The following TRAPPC3L variants were observed in gnomAD, a reference collection of about 807,000 sequenced individuals.
TRAPPC3L encodes trafficking protein particle complex subunit 3L.
TRAPPC3L carries 23 observed loss-of-function variants against 23.7 expected under a neutral mutation model. The ratio of observed to expected loss-of-function variants is 0.97; its 90% CI spans 0.70 to 1.37. The LOEUF is 1.37. TRAPPC3L is among the 40% of genes most tolerant of loss of function. The pLI, the probability that TRAPPC3L is intolerant of heterozygous loss-of-function variation, is 0.00. For synonymous variants in TRAPPC3L, 81 were observed against 77.9 expected, an observed-to-expected ratio of 1.04 and a Z score of -0.21; for missense variants, 212 against 216.8, an observed-to-expected ratio of 0.98 and a Z score of 0.14.
intron 3 of TRAPPC3L, among the ~76,000 whole-genome samples, chr6:116,536,544 C>T (rs1212844694): frequency 2.0e-5 from 3 of 152,180 alleles, no homozygotes; most frequent in African/African-American, 7.2e-5. Flanking sequence ...TTTACTAACT[C>T]AGAGGGAGGG....
At chr6:116,514,000 A>C (rs1772174773) in intron 3 of TRAPPC3L, among the ~76,000 whole-genome samples, 1 of 152,174 alleles carries the variant, frequency 6.6e-6, no homozygotes, top group East Asian at 1.9e-4. Flanking sequence ...AGATTTAGAG[A>C]TGATAGATAC....
Position 116,521,530 on chromosome 6 carries a change from GAC to G in TRAPPC3L, c.240+18831_240+18832del, listed in dbSNP as rs1491553135. On this transcript the variant is annotated intron_variant, in intron 3 of 4. Transcript: ENST00000368602. Reference sequence around the variant, plus strand: ...GTGGAGAGAGAGGGAGAGAGAGAGAGACAGAGAGCAAATTTGCCCATCCTCTC... The same window carrying G: ...GTGGAGAGAGAGGGAGAGAGAGAGAGAGAGAGCAAATTTGCCCATCCTCTC... The G allele has an allele frequency of 1.8e-3, 270 of 151,348 alleles. 1 individual carries two copies. Among genetic ancestry groups the G allele is most frequent in the South Asian group, 9.8e-3 (47 of 4,776 alleles). The allele number at this position is 151,348 out of a possible 1,614,324, so 9.4% of individuals were successfully genotyped here.
chr6:116,527,360 A>G (rs907647363), intron 3 of TRAPPC3L, among the ~76,000 whole-genome samples: 5 of 152,056 alleles, frequency 3.3e-5, no homozygotes, highest in Non-Finnish European at 7.4e-5. Context: ...TACTAAAAAT[A>G]CAAAAAATTA....
At chr6:116,513,878 G>A (rs1772172524) in intron 3 of TRAPPC3L, among the ~76,000 whole-genome samples, 1 of 152,180 alleles carries the variant, frequency 6.6e-6, no homozygotes, top group Non-Finnish European at 1.5e-5. Context: ...GGGTTTGTAT[G>A]CTGATGCTAC....
chr6:116,500,671 TAAG>T lies in TRAPPC3L; in HGVS notation c.241-8_241-6del. On this transcript the variant is annotated splice_region_variant and splice_polypyrimidine_tract_variant and intron_variant, in intron 3 of 4. Transcript: ENST00000368602. ...CAGGTACATCTTGAAAGCAACCTGA[TAAG>T]AAAAAAACAAAATTACTAAAACTTG... is the stretch of plus-strand genomic sequence containing the variant. 1 of 1,549,924 alleles carries T rather than the reference TAAG, an allele frequency of 6.5e-7. No individual in the cohort carries two copies.
intron 4 of TRAPPC3L, 37 bp downstream of exon 4, chr6:116,500,444 G>C: frequency 6.6e-7 from 1 of 1,509,474 alleles, no homozygotes; most frequent in Non-Finnish European, 9.0e-7. Flanking sequence ...GAAGGACTAA[G>C]AGATTCTTCA....
chr6:116,532,111 G>A (rs1449134824), intron 3 of TRAPPC3L, among the ~76,000 whole-genome samples: 7 of 152,100 alleles, frequency 4.6e-5, no homozygotes, highest in Non-Finnish European at 7.4e-5. Context: ...GAAATAAGAG[G>A]GCTGCTTCTG....
chr6:116,528,085 G>A (rs1030492175), intron 3 of TRAPPC3L, among the ~76,000 whole-genome samples: 3 of 152,264 alleles, frequency 2.0e-5, no homozygotes, highest in Non-Finnish European at 4.4e-5. Context: ...CATAAGGAAG[G>A]TGAGAGGCAG....
In TRAPPC3L at chr6:116,500,506, C is replaced by T. The variant is rs1472695921; in HGVS notation, c.401G>A (p.Gly134Glu). The change falls in exon 4 of 5, where the codon GGG (glycine) becomes GAG (glutamate). Residue 134 changes from glycine to glutamate, a missense_variant. Transcript: ENST00000368602. ...SSLCYCNLLC[G>E]IIRGALEMVH... ...CATTTCCAAGGCACCTCTGATAATC[C>T]CACAGAGCAAGTTGCAGTAGCACAG... The T allele has an allele frequency of 7.1e-6, 11 of 1,551,040 alleles. No homozygotes were observed. In the East Asian group the frequency reaches 1.7e-4, roughly 24 times the overall value.
chr6:116,520,468 A>T (rs1583273228), intron 3 of TRAPPC3L: 2 of 152,168 alleles, frequency 1.3e-5, no homozygotes, highest in East Asian at 3.8e-4. Context: ...TCCCAAAATC[A>T]TTAAGAAAAA....
intron 3 of TRAPPC3L, among the ~76,000 whole-genome samples, chr6:116,529,897 G>A (rs767012791): frequency 1.9e-4 from 29 of 152,116 alleles, no homozygotes; most frequent in Admixed American, 1.6e-3. Flanking sequence ...GAGTGTGTGC[G>A]GAAGAGGGTT....
At chr6:116,509,734 C>CTA (rs1353351367) in intron 3 of TRAPPC3L, among the ~76,000 whole-genome samples, 2 of 152,072 alleles carry the variant, frequency 1.3e-5, no homozygotes, top group Non-Finnish European at 2.9e-5. Flanking sequence ...TAGAAGAAAA[C>CTA]GTAATAAAAA....
chr6:116,503,918 C>A (rs949442992), intron 3 of TRAPPC3L, among the ~76,000 whole-genome samples: 2 of 152,102 alleles, frequency 1.3e-5, no homozygotes, highest in African/African-American at 4.8e-5. Flanking sequence ...CAAGACAAAG[C>A]AGGAAAGATC....
chr6:116,539,629 A>C (rs758147760), intron 3 of TRAPPC3L, among the ~76,000 whole-genome samples: 4 of 152,168 alleles, frequency 2.6e-5, no homozygotes, highest in Non-Finnish European at 4.4e-5. Context: ...ATGGTATAGA[A>C]TGACAGCCAT....
chr6:116,508,739 A>C (rs566174249), intron 3 of TRAPPC3L, among the ~76,000 whole-genome samples: 21 of 152,280 alleles, frequency 1.4e-4, no homozygotes, highest in Admixed American at 3.3e-4. Context: ...GAAAGGGGGA[A>C]AGTTGAAGGC....
chr6:116,499,221 T>C (rs1771876985), intron 4 of TRAPPC3L, among the ~76,000 whole-genome samples: 1 of 152,212 alleles, frequency 6.6e-6, no homozygotes, highest in African/African-American at 2.4e-5. Context: ...TTTCAGCCAG[T>C]TCATAACCTA....
chr6:116,512,118 T>C (rs375330335), intron 3 of TRAPPC3L: 2 of 1,613,854 alleles, frequency 1.2e-6, no homozygotes, highest in Non-Finnish European at 1.7e-6. Context: ...CTGGAACTGA[T>C]TTGCAAGGGT....
intron 3 of TRAPPC3L, among the ~76,000 whole-genome samples, chr6:116,525,654 G>C (rs997779208): frequency 4.6e-5 from 7 of 152,186 alleles, no homozygotes; most frequent in Non-Finnish European, 8.8e-5. Flanking sequence ...GAAAACTTGA[G>C]ATTAAAATGG....
intron 3 of TRAPPC3L, among the ~76,000 whole-genome samples, chr6:116,532,891 ACTTAT>A (rs1367704766): frequency 1.3e-5 from 2 of 152,222 alleles, no homozygotes; most frequent in African/African-American, 2.4e-5. Flanking sequence ...ATTTTTGCTT[ACTTAT>A]CTTAACATTA....
Sources: gnomAD v4.1 joint callset for allele counts (sites outside exome capture counted in the v4.1 genomes callset) on GRCh38, gnomAD v4.1.1 for gene constraint, MANE v1.5 for transcripts, NCBI Gene and HGNC (gene_info 2026-07-23, HGNC 2026-07-21) for gene names.